The following CAP2 variants were observed in gnomAD, a reference collection of about 807,000 sequenced individuals.
CAP2 encodes the protein cyclase associated actin cytoskeleton regulatory protein 2.
A neutral mutation model predicts 57.7 loss-of-function variants in CAP2; 24 were observed. The observed-to-expected ratio is 0.42, with a 90% CI of 0.30 to 0.58. CAP2 has a LOEUF of 0.58. Ranked by LOEUF, CAP2 falls within the 20% of genes least tolerant of loss-of-function variation. The pLI is 0.22. For missense variants in CAP2, 501 were observed against 590.3 expected, an observed-to-expected ratio of 0.85 and a Z score of 1.57; for synonymous variants, 194 against 207.2, an observed-to-expected ratio of 0.94 and a Z score of 0.55.
At chr6:17,395,688 C>T (rs1305797774) in intron 1 of CAP2, among the ~76,000 whole-genome samples, 1 of 152,058 alleles carries the variant, frequency 6.6e-6, no homozygotes, top group Non-Finnish European at 1.5e-5. Flanking sequence ...TTGAATATTT[C>T]CTAACATCTT....
chr6:17,532,234 G>A (rs974967367), intron 7 of CAP2, among the ~76,000 whole-genome samples: 3 of 139,622 alleles, frequency 2.1e-5, no homozygotes, highest in African/African-American at 8.0e-5. Flanking sequence ...TCCGCCTCCC[G>A]AGTTCAAGTG....
At chr6:17,456,801 A>C (rs1760583096) in intron 3 of CAP2, among the ~76,000 whole-genome samples, 2 of 152,140 alleles carry the variant, frequency 1.3e-5, no homozygotes, top group African/African-American at 4.8e-5. Flanking sequence ...GCCATCTTCC[A>C]AGTATTGCCT....
intron 11 of CAP2, among the ~76,000 whole-genome samples, chr6:17,550,243 C>G (rs1293894829): frequency 1.4e-5 from 2 of 143,398 alleles, no homozygotes; most frequent in African/African-American, 2.7e-5. Context: ...AAGACTCTAT[C>G]TCAAAATAAA....
intron 4 of CAP2, among the ~76,000 whole-genome samples, chr6:17,464,656 C>T (rs1311651485): frequency 1.3e-5 from 2 of 152,214 alleles, no homozygotes; most frequent in Non-Finnish European, 2.9e-5. Flanking sequence ...TGTCAGCCCC[C>T]ACCCAAGATG....
At chr6:17,472,017 A>ATT (rs1387892075) in intron 4 of CAP2, among the ~76,000 whole-genome samples, 1 of 152,148 alleles carries the variant, frequency 6.6e-6, no homozygotes, top group Admixed American at 6.5e-5. Flanking sequence ...CTTCATAAAT[A>ATT]TGCGTAAGTT....
intron 7 of CAP2, among the ~76,000 whole-genome samples, chr6:17,535,887 A>C (rs1009421373): frequency 2.0e-5 from 3 of 151,520 alleles, no homozygotes; most frequent in Admixed American, 2.0e-4. Context: ...TACCTCCTCC[A>C]CCCACAAGAG....
intron 3 of CAP2, among the ~76,000 whole-genome samples, chr6:17,460,187 G>C (rs908438373): frequency 5.3e-5 from 8 of 152,162 alleles, no homozygotes; most frequent in African/African-American, 1.9e-4. Flanking sequence ...AAAATGGAGA[G>C]AGAAAGTGAC....
intron 3 of CAP2, 92 bp from the exon 4 acceptor site, chr6:17,462,904 G>C: frequency 1.1e-6 from 1 of 893,706 alleles, no homozygotes; most frequent in Non-Finnish European, 1.8e-6. Flanking sequence ...CATTTTTCTT[G>C]GGTATATACC....
chr6:17,396,084 A>G (rs1336453304), intron 1 of CAP2, among the ~76,000 whole-genome samples: 1 of 152,192 alleles, frequency 6.6e-6, no homozygotes, highest in East Asian at 1.9e-4. Context: ...GAGAAATGCA[A>G]ATCAAAACCA....
chr6:17,485,771 A>G (rs1761403559), intron 4 of CAP2, among the ~76,000 whole-genome samples: 1 of 152,196 alleles, frequency 6.6e-6, no homozygotes, highest in South Asian at 2.1e-4. Flanking sequence ...CTTCATTGTT[A>G]GGAACGAGAG....
In CAP2 at chr6:17,438,731, A is replaced by G. The variant is rs1231151231; in HGVS notation, c.222+12041A>G. Among the ~76,000 whole-genome samples, 128 of 143,826 alleles carry G rather than the reference A, an allele frequency of 8.9e-4. 4 individuals are homozygous for G. The highest frequency in any genetic ancestry group is 1.4e-3 in the African/African-American group (54 of 38,352). The allele number at this position is 143,826 out of a possible 152,430, so 94.4% of individuals were successfully genotyped here. A position where few individuals can be genotyped will look rare whatever the true frequency, so the allele number is the denominator to read the frequency against. On this transcript the variant is annotated intron_variant, in intron 3 of 12. Transcript: ENST00000229922. ...TGGGATTATAGGTGTGAGCCACCGC[A>G]CCCGGCCCAGAAGTTTTTTTATGTA...
intron 7 of CAP2, among the ~76,000 whole-genome samples, chr6:17,532,869 G>C (rs1311912523): frequency 6.6e-6 from 1 of 151,564 alleles, no homozygotes; most frequent in African/African-American, 2.4e-5. Context: ...TTCAAGACTA[G>C]CCTGACCAAC....
chr6:17,418,974 A>T (rs1759359057), intron 1 of CAP2, among the ~76,000 whole-genome samples: 1 of 152,220 alleles, frequency 6.6e-6, no homozygotes, highest in South Asian at 2.1e-4. Context: ...TTAGGATTAG[A>T]TGCTGATTTC....
chr6:17,436,657 G>C (rs1045262419), intron 3 of CAP2, among the ~76,000 whole-genome samples: 4 of 152,010 alleles, frequency 2.6e-5, no homozygotes, highest in Non-Finnish European at 5.9e-5. Context: ...GGGAATAAAG[G>C]CCACCTTCTG....
chr6:17,520,630 G>A (rs934965470), intron 7 of CAP2, among the ~76,000 whole-genome samples: 5 of 152,054 alleles, frequency 3.3e-5, no homozygotes, highest in African/African-American at 1.2e-4. Context: ...TTGGTGTAAA[G>A]GCCAAATGTC....
rs879112603 is a variant in CAP2 at position 17,497,037 on chromosome 6, C to A, written c.301-10132C>A. Among the ~76,000 whole-genome samples the A allele has an allele frequency of 3.9e-5, 6 of 152,206 alleles. 1 individual carries two copies. The highest frequency in any genetic ancestry group is 3.9e-4 in the Admixed American group (6 of 15,292). On this transcript the variant is annotated intron_variant, in intron 4 of 12. Transcript: ENST00000229922. Reference sequence around the variant, plus strand: ...GAGACAACAGATGAAAACCTATCAGCGTGGTATTTGGCATATAGTCAATGC... The same window carrying A: ...GAGACAACAGATGAAAACCTATCAGAGTGGTATTTGGCATATAGTCAATGC...
intron 11 of CAP2, among the ~76,000 whole-genome samples, chr6:17,547,624 G>C (rs1301811624): frequency 6.6e-6 from 1 of 152,046 alleles, no homozygotes; most frequent in East Asian, 1.9e-4. Flanking sequence ...GGCAAATCAC[G>C]AGGTCCGGAG....
intron 7 of CAP2, among the ~76,000 whole-genome samples, chr6:17,535,377 C>T (rs1188492211): frequency 6.6e-5 from 10 of 151,342 alleles, no homozygotes; most frequent in African/African-American, 1.5e-4. Flanking sequence ...CAGGTTCAAG[C>T]GATTCTCCTG....
intron 2 of CAP2, among the ~76,000 whole-genome samples, chr6:17,426,190 T>C (rs1759586362): frequency 6.6e-6 from 1 of 151,548 alleles, no homozygotes; most frequent in African/African-American, 2.4e-5. Context: ...TTGATGATAT[T>C]AAACTTCCAT....
Sources: allele counts gnomAD v4.1 joint callset (sites outside exome capture counted in the v4.1 genomes callset), GRCh38; gene constraint gnomAD v4.1.1; transcripts MANE v1.5; gene names NCBI Gene and HGNC (gene_info 2026-07-23, HGNC 2026-07-21).